HERC2: variants seen among roughly 807,000 people sequenced by gnomAD.
HERC2 encodes E3 ubiquitin-protein ligase HERC2.
HERC2 carries 102 observed loss-of-function variants against 537.7 expected under a neutral mutation model. The ratio of observed to expected loss-of-function variants is 0.19; its 90% CI spans 0.16 to 0.22. The LOEUF is 0.22. HERC2 is among the 10% of genes least tolerant of loss of function. The pLI is 1.00. For synonymous variants in HERC2, 2,224 were observed against 2,466.2 expected (o/e 0.90, Z 2.91); for missense variants, 4,236 against 6,198.2 (o/e 0.68, Z 10.63).
intron 23 of HERC2, among the ~76,000 whole-genome samples, chr15:28,245,582 C>G (rs1903603750): frequency 6.8e-6 from 1 of 147,998 alleles, no homozygotes; most frequent in Non-Finnish European, 1.5e-5. Flanking sequence ...CACACACACA[C>G]ACACACACAC....
intron 21 of HERC2, 66 bp from the exon 22 acceptor site, chr15:28,246,963 G>T: frequency 7.6e-7 from 1 of 1,317,994 alleles, no homozygotes; most frequent in Non-Finnish European, 1.1e-6. Flanking sequence ...CAAACTAACT[G>T]CTCCATGATG....
chr15:28,209,632 C>G (rs1226523126), intron 44 of HERC2, among the ~76,000 whole-genome samples: 3 of 152,090 alleles, frequency 2.0e-5, no homozygotes, highest in African/African-American at 4.8e-5. Context: ...CATGAGCCAC[C>G]GCGCCAGGCC....
intron 70 of HERC2, among the ~76,000 whole-genome samples, chr15:28,148,546 A>C (rs1429139040): frequency 6.6e-6 from 1 of 152,238 alleles, no homozygotes; most frequent in Non-Finnish European, 1.5e-5. Flanking sequence ...GACAGACTAA[A>C]GGAGCACCCC....
chr15:28,164,093 TG>T (rs2142452476), intron 68 of HERC2, among the ~76,000 whole-genome samples: 1 of 152,318 alleles, frequency 6.6e-6, no homozygotes, highest in South Asian at 2.1e-4. Flanking sequence ...CGACCCAGCA[TG>T]GGAACCGCTG....
chr15:28,270,895 C>T (rs1263259714), intron 9 of HERC2, 27 bp from the exon 10 acceptor site: 44 of 1,602,386 alleles, frequency 2.7e-5, no homozygotes, highest in Non-Finnish European at 3.7e-5. Context: ...AACAAAAATT[C>T]AGAAATGGTG....
intron 70 of HERC2, among the ~76,000 whole-genome samples, chr15:28,151,573 A>C (rs1425207198): frequency 6.6e-6 from 1 of 152,306 alleles, no homozygotes; most frequent in East Asian, 1.9e-4. Flanking sequence ...CCAGGTGAAG[A>C]GTGGCAACCT....
chr15:28,158,031 T>C (rs1395850725), intron 69 of HERC2, among the ~76,000 whole-genome samples: 4 of 152,228 alleles, frequency 2.6e-5, no homozygotes, highest in Admixed American at 1.3e-4. Context: ...TCGGTTTCCA[T>C]GTAGTTGAGC....
Position 28,171,869 on chromosome 15 carries a change from T to C in HERC2, c.10058-2214A>G, listed in dbSNP as rs575537647. On this transcript the variant is annotated intron_variant, in intron 65 of 92. Coordinates refer to ENST00000261609, the MANE Select transcript of HERC2 (RefSeq NM_004667.6). ...GTGGGCGGATCACGAGGTCAGGAGATCGATTCTGTCCTGGCTAACACGGTG... is the reference window on the plus strand; with the variant it reads ...GTGGGCGGATCACGAGGTCAGGAGACCGATTCTGTCCTGGCTAACACGGTG... Among the ~76,000 whole-genome samples the C allele has an allele frequency of 1.4e-3, 220 of 151,878 alleles. 1 individual carries two copies. The highest frequency in any genetic ancestry group is 0.01 in the Middle Eastern group (3 of 294).
intron 4 of HERC2, among the ~76,000 whole-genome samples, chr15:28,291,840 G>T (rs996301294): frequency 2.6e-4 from 37 of 144,986 alleles, no homozygotes; most frequent in African/African-American, 9.1e-4. Context: ...GGGAAGCGGA[G>T]GTTGCAGTGA....
chr15:28,212,195 T>C (rs1306802285), intron 43 of HERC2, among the ~76,000 whole-genome samples: 1 of 151,976 alleles, frequency 6.6e-6, no homozygotes. Flanking sequence ...GGATAAAGGG[T>C]GACACGGAGA....
intron 79 of HERC2, 51 bp downstream of exon 79, chr15:28,135,427 A>G: frequency 6.9e-7 from 1 of 1,457,264 alleles, no homozygotes; most frequent in Non-Finnish European, 9.6e-7. Flanking sequence ...GCATTAAAAC[A>G]AACAAAAACA....
Position 28,228,841 on chromosome 15 carries a change from T to C in HERC2, c.5272+354A>G, listed in dbSNP as rs185376877. ...CCTATTCCATTCCTTCCATTTCGAA[T>C]ATAAAAGTTATGTCTCACTTTTCCT... On this transcript the variant is annotated intron_variant, in intron 34 of 92. Transcript: ENST00000261609. Among the ~76,000 whole-genome samples the C allele has an allele frequency of 2.1e-3, 313 of 152,332 alleles. 1 individual carries two copies. The highest frequency in any genetic ancestry group is 7.1e-3 in the African/African-American group (296 of 41,582).
chr15:28,247,973 T>C (rs1226762893), intron 21 of HERC2, among the ~76,000 whole-genome samples: 1 of 152,232 alleles, frequency 6.6e-6, no homozygotes, highest in African/African-American at 2.4e-5. Context: ...CTGCCCTGGA[T>C]GCTGAAGAAG....
intron 66 of HERC2, among the ~76,000 whole-genome samples, chr15:28,168,983 C>G (rs1596111518): frequency 6.6e-6 from 1 of 152,328 alleles, no homozygotes; most frequent in Non-Finnish European, 1.5e-5. Context: ...TCAATGGCCT[C>G]TACTGAATGA....
At chr15:28,165,841 G>A (rs1280236540) in intron 68 of HERC2, among the ~76,000 whole-genome samples, 1 of 151,964 alleles carries the variant, frequency 6.6e-6, no homozygotes, top group African/African-American at 2.4e-5. Flanking sequence ...TACCTATTAT[G>A]TTACACACAC....
intron 59 of HERC2, 124 bp downstream of exon 59, chr15:28,178,763 C>A (rs1470653389): frequency 1.9e-6 from 2 of 1,072,902 alleles, no homozygotes; most frequent in East Asian, 2.6e-5. Context: ...TTACATTATC[C>A]AATTTTTATT....
rs1453423662 is a variant in HERC2, at chr15:28,132,203, T to C, written c.12467A>G (p.Gln4156Arg). 1 of 1,613,910 alleles carries C rather than the reference T, an allele frequency of 6.2e-7. No individual in the cohort carries two copies. The highest frequency in any genetic ancestry group is 8.5e-7 in the Non-Finnish European group (1 of 1,179,906). The change falls in exon 81 of 93, where the codon CAG becomes CGG. Residue 4156 changes from glutamine (Q) to arginine (R), a missense_variant. This residue lies in a region of HERC2 where 94 missense variants were observed against 137.4 expected (regional missense o/e 0.68). Coordinates refer to ENST00000261609, the MANE Select transcript of HERC2 (RefSeq NM_004667.6). Reference protein sequence around the residue: ...VDIACGSGDAQTLCLTDDDTV... With the variant: ...VDIACGSGDARTLCLTDDDTV... Reference sequence around the variant, plus strand: ...GTCGTCATCTGTGAGGCAGAGGGTCTGGGCATCTCCACTGCCACAGGCGAT... The same window carrying C: ...GTCGTCATCTGTGAGGCAGAGGGTCCGGGCATCTCCACTGCCACAGGCGAT...
chr15:28,315,499 T>C (rs8034221), intron 2 of HERC2, among the ~76,000 whole-genome samples: 4,089 of 152,158 alleles, frequency 0.027, 125 homozygotes, highest in African/African-American at 0.094. Flanking sequence ...GTCAAGCAAT[T>C]AAAAGATCCT....
intron 2 of HERC2, among the ~76,000 whole-genome samples, chr15:28,303,748 G>A (rs568277017): frequency 2.6e-4 from 39 of 152,162 alleles, no homozygotes; most frequent in South Asian, 1.2e-3. Context: ...TACAGTTTTC[G>A]TGGTAGAGAT....
Sources: allele counts gnomAD v4.1 joint callset (sites outside exome capture counted in the v4.1 genomes callset), GRCh38; gene constraint gnomAD v4.1.1; regional missense constraint gnomAD v4.1.1; transcripts MANE v1.5; gene names NCBI Gene and HGNC (gene_info 2026-07-23, HGNC 2026-07-21).